FAT3: variants seen among roughly 807,000 people sequenced by gnomAD.
FAT3 encodes the protein FAT atypical cadherin 3.
FAT3 carries 95 observed loss-of-function variants against 310.2 expected under a neutral mutation model. The ratio of observed to expected loss-of-function variants is 0.31; its 90% CI spans 0.26 to 0.36. FAT3 has a LOEUF of 0.36. Ranked by LOEUF, FAT3 falls within the 10% of genes least tolerant of loss-of-function variation. FAT3 has a pLI of 1.00. For synonymous variants in FAT3, 2,314 were observed against 2,192.9 expected (o/e 1.06, Z -1.54); for missense variants, 5,408 against 5,715.6 (o/e 0.95, Z 1.74).
intron 3 of FAT3, among the ~76,000 whole-genome samples, chr11:92,601,873 G>C (rs1940045200): frequency 6.6e-6 from 1 of 151,906 alleles, no homozygotes; most frequent in Non-Finnish European, 1.5e-5. Context: ...GTGCAGCCAG[G>C]TCCTGATTTC....
At chr11:92,260,240 G>T (rs541810397) in intron 1 of FAT3, among the ~76,000 whole-genome samples, 1 of 152,078 alleles carries the variant, frequency 6.6e-6, no homozygotes, top group Non-Finnish European at 1.5e-5. Flanking sequence ...AGTGGTGTGT[G>T]TGTGTGAGTG....
At chr11:92,876,496 A>G (rs1463666894) in intron 22 of FAT3, among the ~76,000 whole-genome samples, 1 of 152,232 alleles carries the variant, frequency 6.6e-6, no homozygotes, top group Admixed American at 6.5e-5. Context: ...CATAGCTGGC[A>G]TCAACAATGG....
intron 10 of FAT3, among the ~76,000 whole-genome samples, chr11:92,804,120 T>C (rs2136195698): frequency 6.6e-6 from 1 of 152,332 alleles, no homozygotes; most frequent in Non-Finnish European, 1.5e-5. Context: ...CTTACTTGTT[T>C]ATTTTCAGTC....
At position 92,296,173 on chromosome 11, in the gene FAT3, A is replaced by G. The variant is rs181305859; in HGVS notation, c.-17-55923A>G. On this transcript the variant is annotated intron_variant, in intron 1 of 27. Coordinates refer to ENST00000525166, the MANE Select transcript of FAT3 (RefSeq NM_001367949.2). ...GCTTCCCCCGAGGGTTAAAAATCTC[A>G]GAATTCCACTTCTAATTCCTACACG... Among the ~76,000 whole-genome samples, 5 of 152,268 alleles carry G rather than the reference A, an allele frequency of 3.3e-5. No individual in the cohort carries two copies. The East Asian group carries it at 9.7e-4, about 30-fold the overall frequency.
chr11:92,785,816 C>T (rs931087215), intron 7 of FAT3, among the ~76,000 whole-genome samples: 9 of 152,048 alleles, frequency 5.9e-5, no homozygotes, highest in Non-Finnish European at 1.2e-4. Context: ...AAATACTATC[C>T]AGTTTCTATC....
intron 3 of FAT3, among the ~76,000 whole-genome samples, chr11:92,670,587 G>C (rs181575112): frequency 6.6e-6 from 1 of 152,200 alleles, no homozygotes; most frequent in Non-Finnish European, 1.5e-5. Flanking sequence ...GAGCCAGCTC[G>C]CAAGTGCCTG....
At chr11:92,875,153 CTCT>C (rs1949501214) in intron 22 of FAT3, among the ~76,000 whole-genome samples, 1 of 146,166 alleles carries the variant, frequency 6.8e-6, no homozygotes, top group South Asian at 2.3e-4. Context: ...ATAGATATCA[CTCT>C]TCTTTCACTA....
At chr11:92,433,623 A>T (rs1591284842) in intron 2 of FAT3, among the ~76,000 whole-genome samples, 1 of 151,886 alleles carries the variant, frequency 6.6e-6, no homozygotes, top group African/African-American at 2.4e-5. Context: ...TGCAGAAATC[A>T]CCCGCTTTAT....
In FAT3 at chr11:92,521,627, G is replaced by A. The variant is rs1437470995; in HGVS notation, c.3293-3007G>A. 2.6e-5 allele frequency among the ~76,000 whole-genome samples: 4 copies of A among 152,150 alleles called. No individual in the cohort carries two copies. In the South Asian group the frequency reaches 8.3e-4, roughly 32 times the overall value. On this transcript the variant is annotated intron_variant, in intron 2 of 27. Coordinates refer to ENST00000525166, the MANE Select transcript of FAT3 (RefSeq NM_001367949.2). ...GCTTGGGTTGAACATCTTCTCTATG[G>A]TCAATTGGGTAGAAAGTGAAGGATT...
chr11:92,464,851 G>T (rs948353298), intron 2 of FAT3, among the ~76,000 whole-genome samples: 1 of 152,082 alleles, frequency 6.6e-6, no homozygotes, highest in Non-Finnish European at 1.5e-5. Context: ...AAATAAAAAC[G>T]TTCTGGGACC....
chr11:92,307,384 T>A (rs1336667312), intron 1 of FAT3, among the ~76,000 whole-genome samples: 1 of 152,190 alleles, frequency 6.6e-6, no homozygotes, highest in East Asian at 1.9e-4. Context: ...TGCAATCAAA[T>A]GAAACAAAAG....
intron 3 of FAT3, among the ~76,000 whole-genome samples, chr11:92,534,353 G>A (rs997042270): frequency 1.3e-5 from 2 of 152,184 alleles, no homozygotes; most frequent in Non-Finnish European, 2.9e-5. Context: ...GGTCAGTGCC[G>A]AGCTAGGATT....
At chr11:92,875,150 T>C (rs977032143) in intron 22 of FAT3, among the ~76,000 whole-genome samples, 1 of 147,982 alleles carries the variant, frequency 6.8e-6, no homozygotes, top group Non-Finnish European at 1.5e-5. Context: ...ACAATAGATA[T>C]CACTCTTCTT....
chr11:92,431,255 C>T (rs370307058), intron 2 of FAT3, among the ~76,000 whole-genome samples: 315 of 152,216 alleles, frequency 2.1e-3, no homozygotes, highest in Non-Finnish European at 3.0e-3. Flanking sequence ...ATTTCTCTGA[C>T]GGCCAGTGAT....
intron 3 of FAT3, among the ~76,000 whole-genome samples, chr11:92,530,316 C>T (rs1373115156): frequency 6.6e-6 from 1 of 152,012 alleles, no homozygotes; most frequent in Admixed American, 6.5e-5. Context: ...ATGTTGCTCT[C>T]TCCTGAGAGC....
chr11:92,705,904 ATGG>A (rs1944325440), intron 4 of FAT3, among the ~76,000 whole-genome samples: 1 of 31,248 alleles, frequency 3.2e-5, no homozygotes, highest in Non-Finnish European at 6.9e-5. Flanking sequence ...GGTGGTGGTG[ATGG>A]TGGTGGTTTG....
intron 1 of FAT3, among the ~76,000 whole-genome samples, chr11:92,349,429 A>G (rs1948503091): frequency 6.6e-6 from 1 of 152,222 alleles, no homozygotes; most frequent in Non-Finnish European, 1.5e-5. Flanking sequence ...TGTGATCACT[A>G]CAGAGAGGTT....
At chr11:92,330,965 GGTGTGTGTGTGTGTGT>G (rs375080524) in intron 1 of FAT3, among the ~76,000 whole-genome samples, 2 of 135,938 alleles carry the variant, frequency 1.5e-5, no homozygotes, top group Non-Finnish European at 3.1e-5. Flanking sequence ...AGGAGTAAAG[GGTGTGTGTGTGTGTGT>G]GTGTGTGTGT....
At chr11:92,291,135 A>C (rs369788365) in intron 1 of FAT3, among the ~76,000 whole-genome samples, 3 of 136,944 alleles carry the variant, frequency 2.2e-5, no homozygotes, top group Admixed American at 7.8e-5. Flanking sequence ...GCGCAGAAGT[A>C]GGTGGGTATT....
Sources: gnomAD v4.1 joint callset for allele counts (sites outside exome capture counted in the v4.1 genomes callset) on GRCh38, gnomAD v4.1.1 for gene constraint, MANE v1.5 for transcripts, NCBI Gene and HGNC (gene_info 2026-07-23, HGNC 2026-07-21) for gene names.